The following CACNA1A variants were observed in gnomAD, a reference collection of about 807,000 sequenced individuals.
CACNA1A encodes the protein voltage-dependent P/Q-type calcium channel subunit alpha-1A.
CACNA1A carries 57 observed loss-of-function variants against 262.4 expected under a neutral mutation model. The observed-to-expected ratio is 0.22, with a 90% CI of 0.18 to 0.27. The LOEUF (loss-of-function observed/expected upper bound fraction) is 0.27. Ranked by LOEUF, CACNA1A falls within the 10% of genes least tolerant of loss-of-function variation. The pLI is 1.00. For missense variants in CACNA1A, 2,526 were observed against 3,562.8 expected (o/e 0.71, Z 7.41); for synonymous variants, 1,431 against 1,419.3 (o/e 1.01, Z -0.18).
chr19:13,317,133 C>G lies in CACNA1A; in HGVS notation c.1534G>C (p.Glu512Gln), dbSNP rs375210532. 2.5e-6 allele frequency: 4 copies of G among 1,606,926 alleles called. No homozygotes were observed. The highest frequency in any genetic ancestry group is 2.6e-6 in the Non-Finnish European group (3 of 1,174,146). ...CVAIVHYNQP[E>Q]WLSDFLYYAE... ...TCACAAAGGAAGTCGGAGAGCCACT[C>G]GGGCTGGTTGTAGTGAACAATAGCA... Residue 512 changes from glutamate (E) to glutamine (Q), a missense_variant, in exon 11 of 47, where the codon GAG becomes CAG. Physicochemically the swap from Glu to Gln is conservative, Grantham distance 29 (BLOSUM62 2). Coordinates refer to ENST00000360228, the MANE Select transcript of CACNA1A (RefSeq NM_001127222.2).
intron 19 of CACNA1A, among the ~76,000 whole-genome samples, chr19:13,287,795 C>A (rs987462243): frequency 1.3e-5 from 2 of 148,234 alleles, no homozygotes; most frequent in Non-Finnish European, 3.0e-5. Flanking sequence ...AGCCACTGCA[C>A]CTGGCCTCTT....
At chr19:13,340,879 A>G (rs2058667085) in intron 6 of CACNA1A, among the ~76,000 whole-genome samples, 1 of 152,148 alleles carries the variant, frequency 6.6e-6, no homozygotes, top group Non-Finnish European at 1.5e-5. Context: ...ATTAGGGTGG[A>G]ACCTCATCCT....
chr19:13,399,394 G>GAGAAGAAGAAGAAGAAGAAGA (rs74375569), intron 3 of CACNA1A, among the ~76,000 whole-genome samples: 6 of 143,464 alleles, frequency 4.2e-5, no homozygotes, highest in African/African-American at 1.6e-4. Context: ...ATCCAAAAAT[G>GAGAAGAAGAAGAAGAAGAAGA]AGAAGAAGAA....
At chr19:13,328,964 G>A (rs2058419547) in intron 10 of CACNA1A, among the ~76,000 whole-genome samples, 1 of 151,452 alleles carries the variant, frequency 6.6e-6, no homozygotes, top group Non-Finnish European at 1.5e-5. Flanking sequence ...CCTCTAAACT[G>A]CGGCCACACA....
At chr19:13,255,737 T>TCCTTCTC (rs2056540196) in intron 28 of CACNA1A, among the ~76,000 whole-genome samples, 1 of 36,052 alleles carries the variant, frequency 2.8e-5, no homozygotes, top group East Asian at 1.0e-3. Flanking sequence ...CCCTCCCTCC[T>TCCTTCTC]TCCCTCCCTC....
intron 3 of CACNA1A, among the ~76,000 whole-genome samples, chr19:13,397,771 T>A (rs1366614098): frequency 6.6e-6 from 1 of 152,138 alleles, no homozygotes; most frequent in Admixed American, 6.5e-5. Context: ...TAGATGGAAG[T>A]CATATGGACT....
intron 4 of CACNA1A, among the ~76,000 whole-genome samples, chr19:13,369,940 C>T (rs985880069): frequency 2.0e-5 from 3 of 152,142 alleles, no homozygotes; most frequent in Non-Finnish European, 4.4e-5. Context: ...AAATCTTACT[C>T]TTTAAACCTG....
Position 13,340,600 on chromosome 19 carries a change from T to C in CACNA1A, c.979-4691A>G, listed in dbSNP as rs568868151. Reference sequence around the variant, plus strand: ...TGCTACCATGCCCAGCTAATTTTTCTATTTTTAGTAGAGGCGGGGTTTGAC... The same window carrying C: ...TGCTACCATGCCCAGCTAATTTTTCCATTTTTAGTAGAGGCGGGGTTTGAC... On this transcript the variant is annotated intron_variant, in intron 6 of 46. Coordinates refer to ENST00000360228, the MANE Select transcript of CACNA1A (RefSeq NM_001127222.2). Among the ~76,000 whole-genome samples, 6 of 152,158 alleles carry C rather than the reference T, an allele frequency of 3.9e-5. No homozygotes were observed. The South Asian group carries it at 1.0e-3, about 26-fold the overall frequency.
In CACNA1A at chr19:13,330,655, A is replaced by T. The variant is rs562047188; in HGVS notation, c.1256-322T>A. Among the ~76,000 whole-genome samples the T allele has an allele frequency of 1.3e-3, 199 of 152,206 alleles. 2 individuals carry two copies. Among genetic ancestry groups the T allele is most frequent in the Non-Finnish European group, 1.8e-4 (12 of 67,988 alleles). The stretch of plus-strand genomic sequence containing the variant: ...GCTCTGTCACCCAGAGAGTGGTGTG[A>T]TCTTGGCTTACTGCAACCTCTGCCT... On this transcript the variant is annotated intron_variant, in intron 9 of 46. Coordinates refer to ENST00000360228, the MANE Select transcript of CACNA1A (RefSeq NM_001127222.2).
At chr19:13,461,046 C>T (rs2061112454) in intron 1 of CACNA1A, among the ~76,000 whole-genome samples, 1 of 152,040 alleles carries the variant, frequency 6.6e-6, no homozygotes, top group Non-Finnish European at 1.5e-5. Flanking sequence ...GCTCAAAAAA[C>T]ACCAGTGGAA....
chr19:13,397,976 T>C (rs919657237), intron 3 of CACNA1A, among the ~76,000 whole-genome samples: 2 of 152,040 alleles, frequency 1.3e-5, no homozygotes, highest in Non-Finnish European at 1.5e-5. Context: ...TACATTTTTT[T>C]TTTGGCCAGG....
rs60185051 is a variant in CACNA1A, at chr19:13,212,034, T to G, written c.6303+69A>C. 48,365 of 1,129,894 alleles carry G rather than the reference T, an allele frequency of 0.043. 1,874 individuals are homozygous for G. Among genetic ancestry groups the G allele is most frequent in the African/African-American group, 0.17 (11,209 of 65,868 alleles). The allele number at this position is 1,129,894 out of a possible 1,614,324, so 70.0% of individuals were successfully genotyped here. A position where few individuals can be genotyped will look rare whatever the true frequency, so the allele number is the denominator to read the frequency against. On this transcript the variant is annotated intron_variant, in intron 43 of 46. Transcript: ENST00000360228. This position sits in a 1 kb window ranked among gnomAD's most constrained non-coding sequence, Gnocchi z 5.6. ...GGGAGGGGATGCACTGGGCTGCTTG[T>G]GGGGGGGCCTGGCCCTACCCAGTGC... is the stretch of plus-strand genomic sequence containing the variant.
intron 31 of CACNA1A, among the ~76,000 whole-genome samples, chr19:13,237,507 G>A (rs931746595): frequency 6.6e-6 from 1 of 152,186 alleles, no homozygotes; most frequent in African/African-American, 2.4e-5. Context: ...CCAGATCTGT[G>A]TCTTGTGCTG....
chr19:13,416,586 C>T (rs942248829), intron 3 of CACNA1A, among the ~76,000 whole-genome samples: 3 of 151,872 alleles, frequency 2.0e-5, no homozygotes, highest in Non-Finnish European at 2.9e-5. Flanking sequence ...GAGGCTGAGG[C>T]GGGTGGATCA....
chr19:13,393,261 T>C (rs1354862811), intron 3 of CACNA1A, among the ~76,000 whole-genome samples: 1 of 152,156 alleles, frequency 6.6e-6, no homozygotes, highest in African/African-American at 2.4e-5. Context: ...GTAGAGTAAA[T>C]GAACAGGTGG....
chr19:13,207,891 GC>G lies in CACNA1A; in HGVS notation c.6942del (p.Gln2314HisfsTer294). On this transcript the variant is annotated frameshift_variant, in exon 47 of 47. Transcript: ENST00000360228. LOFTEE classifies it low-confidence loss of function (END_TRUNC). This position sits in a 1 kb window ranked among gnomAD's most constrained non-coding sequence, Gnocchi z 5.7. Reference sequence around the variant, plus strand: ...TGCTGCTGCTGCTGCTGCTGCTGCTGCTGCTGCGGGGGCCCCGAGCCGCCGG... The same window carrying G: ...TGCTGCTGCTGCTGCTGCTGCTGCTGTGCTGCGGGGGCCCCGAGCCGCCGG... ...RKAGGSGPPQ[Q>X]QQQQQQQQQQ... The G allele has an allele frequency of 1.4e-6, 2 of 1,433,696 alleles. No homozygotes were observed. Among genetic ancestry groups the G allele is most frequent in the Non-Finnish European group, 1.8e-6 (2 of 1,088,130 alleles). 88.8% of individuals were successfully genotyped at this position (1,433,696 alleles called of 1,614,324 possible). A position where few individuals can be genotyped will look rare whatever the true frequency, so the allele number is the denominator to read the frequency against.
chr19:13,452,630 G>A (rs1277783182), intron 3 of CACNA1A: 5 of 359,412 alleles, frequency 1.4e-5, no homozygotes, highest in Admixed American at 4.4e-5. Flanking sequence ...TTAGAGAATG[G>A]GCATAAAGCA....
At chr19:13,270,647 G>T (rs1600215843) in intron 24 of CACNA1A, among the ~76,000 whole-genome samples, 2 of 152,342 alleles carry the variant, frequency 1.3e-5, no homozygotes, top group South Asian at 4.1e-4. Flanking sequence ...TTGGCTCTTA[G>T]GTGTGCAGGA....
Position 13,298,730 on chromosome 19 carries a change from C to T in CACNA1A, c.2903G>A (p.Gly968Asp), listed in dbSNP as rs1337869540. ...HRAHRRPGEE[G>D]PEDKAERRAR... Reference sequence around the variant, plus strand: ...CCTCCGCTCCGCCTTGTCCTCCGGACCCTCCTCCCCGGGCCTGCGGTGCGC... The same window carrying T: ...CCTCCGCTCCGCCTTGTCCTCCGGATCCTCCTCCCCGGGCCTGCGGTGCGC... The change falls in exon 19 of 47, where the codon GGT becomes GAT. Residue 968 changes from glycine (G) to aspartate (D), a missense_variant. Transcript: ENST00000360228. 1.1e-5 allele frequency: 17 copies of T among 1,499,040 alleles called. No homozygotes were observed. The highest frequency in any genetic ancestry group is 2.2e-5 in the Admixed American group (1 of 44,762). 92.9% of individuals were successfully genotyped at this position (1,499,040 alleles called of 1,614,324 possible). A position where few individuals can be genotyped will look rare whatever the true frequency, so the allele number is the denominator to read the frequency against.
Sources: gnomAD v4.1 joint callset for allele counts (sites outside exome capture counted in the v4.1 genomes callset) on GRCh38, gnomAD v4.1.1 for gene constraint, Gnocchi (gnomAD v3.1) non-coding constraint, MANE v1.5 for transcripts, NCBI Gene and HGNC (gene_info 2026-07-23, HGNC 2026-07-21) for gene names.